ARHGEF28: variants seen among roughly 807,000 people sequenced by gnomAD.
The protein encoded by ARHGEF28 is Rho guanine nucleotide exchange factor 28.
In ARHGEF28, 152 loss-of-function variants were observed where a neutral mutation model predicts 206.6. That is an observed-to-expected ratio of 0.74 (90% CI 0.64 to 0.84). The LOEUF (loss-of-function observed/expected upper bound fraction) is 0.84. Among genes scored for constraint, ARHGEF28 ranks in the 40% least tolerant of loss-of-function variants. ARHGEF28 has a pLI of 0.00. For missense variants in ARHGEF28, 2,028 were observed against 2,073.2 expected, an observed-to-expected ratio of 0.98 and a Z score of 0.42; for synonymous variants, 763 against 776.4, an observed-to-expected ratio of 0.98 and a Z score of 0.29.
intron 35 of ARHGEF28, among the ~76,000 whole-genome samples, chr5:73,939,466 G>T (rs1376927092): frequency 6.6e-6 from 1 of 152,144 alleles, no homozygotes; most frequent in Non-Finnish European, 1.5e-5. Context: ...TGTGGTTGCA[G>T]CCTCACCCCC....
chr5:73,857,329 G>A (rs1473971024), intron 14 of ARHGEF28, among the ~76,000 whole-genome samples: 1 of 151,964 alleles, frequency 6.6e-6, no homozygotes, highest in South Asian at 2.1e-4. Context: ...TAAGTCTAAG[G>A]TTTATTTCCT....
At chr5:73,671,181 C>A (rs1174928182) in intron 1 of ARHGEF28, among the ~76,000 whole-genome samples, 1 of 152,148 alleles carries the variant, frequency 6.6e-6, no homozygotes, top group Non-Finnish European at 1.5e-5. Flanking sequence ...TCCAGCAATC[C>A]CACATAAGAC....
chr5:73,904,701 C>T (rs1235258707), intron 33 of ARHGEF28: 3 of 346,634 alleles, frequency 8.7e-6, no homozygotes, highest in Non-Finnish European at 1.6e-5. Context: ...GTGAGTGTAG[C>T]ATGACTTCAC....
rs761364541 is a variant in ARHGEF28 at position 73,909,863 on chromosome 5, GC to G, written c.4615del (p.Leu1539CysfsTer12). The part of the protein sequence containing the change: ...LGHWKHGRQR[S>X]LPAVLLPGGP... ...CACTGGAAGCACGGCCGGCAGAGGA[GC>G]CTGCCCGCGGTGCTCCTTCCGGGTG... On this transcript the variant is annotated frameshift_variant, in exon 34 of 36. Transcript: ENST00000513042. LOFTEE classifies it high-confidence loss of function. The G allele has an allele frequency of 2.6e-6, 4 of 1,531,696 alleles. No individual in the cohort carries two copies. In the African/African-American group the frequency reaches 5.5e-5, roughly 21 times the overall value. 94.9% of individuals were successfully genotyped at this position (1,531,696 alleles called of 1,614,324 possible).
chr5:73,718,729 G>T (rs1302057434), intron 2 of ARHGEF28, among the ~76,000 whole-genome samples: 2 of 152,132 alleles, frequency 1.3e-5, no homozygotes, highest in Non-Finnish European at 2.9e-5. Flanking sequence ...GATGTCACTC[G>T]TGTAATCACT....
intron 33 of ARHGEF28, among the ~76,000 whole-genome samples, chr5:73,906,270 GCT>G (rs1198012233): frequency 6.6e-6 from 1 of 151,958 alleles, no homozygotes; most frequent in Non-Finnish European, 1.5e-5. Context: ...ACAGGGTCTG[GCT>G]CTGTTACCCA....
intron 33 of ARHGEF28, among the ~76,000 whole-genome samples, chr5:73,907,289 T>C (rs998048628): frequency 2.6e-5 from 4 of 152,248 alleles, no homozygotes; most frequent in Non-Finnish European, 5.9e-5. Context: ...CACAAGGTCA[T>C]GTGTCTTCTT....
intron 33 of ARHGEF28, chr5:73,908,820 T>TA (rs1220406461): frequency 3.3e-5 from 5 of 152,240 alleles, no homozygotes; most frequent in African/African-American, 1.2e-4. Context: ...TTTAGCCACT[T>TA]ACATATCTCC....
At chr5:73,843,662 G>T (rs1283763037) in intron 11 of ARHGEF28, among the ~76,000 whole-genome samples, 2 of 152,200 alleles carry the variant, frequency 1.3e-5, no homozygotes, top group East Asian at 3.9e-4. Flanking sequence ...GTTTTCTAGG[G>T]TTTAAAAGAA....
At chr5:73,679,566 C>CAAA (rs552307895) in intron 1 of ARHGEF28, among the ~76,000 whole-genome samples, 2 of 62,444 alleles carry the variant, frequency 3.2e-5, no homozygotes, top group African/African-American at 1.2e-4. Flanking sequence ...GACTCTGTCT[C>CAAA]AAAAAAAAAA....
intron 2 of ARHGEF28, among the ~76,000 whole-genome samples, chr5:73,721,236 G>A (rs1423927361): frequency 6.6e-6 from 1 of 152,186 alleles, no homozygotes; most frequent in South Asian, 2.1e-4. Flanking sequence ...GCATTGTCCT[G>A]CCATGGTGTC....
intron 9 of ARHGEF28, among the ~76,000 whole-genome samples, chr5:73,814,644 G>T (rs1304776513): frequency 1.3e-5 from 2 of 152,052 alleles, no homozygotes; most frequent in Non-Finnish European, 2.9e-5. Flanking sequence ...TTTCTAAGCG[G>T]GTTGCCTCTG....
chr5:73,656,516 A>C (rs1424433819), intron 1 of ARHGEF28, among the ~76,000 whole-genome samples: 1 of 152,110 alleles, frequency 6.6e-6, no homozygotes, highest in East Asian at 1.9e-4. Flanking sequence ...CTCTCCCTTC[A>C]GAATATAGCC....
intron 10 of ARHGEF28, among the ~76,000 whole-genome samples, chr5:73,838,632 G>A (rs772386616): frequency 2.6e-5 from 4 of 152,134 alleles, no homozygotes; most frequent in Non-Finnish European, 5.9e-5. Context: ...CATTCCCTGA[G>A]TGGGTGGTTA....
intron 1 of ARHGEF28, among the ~76,000 whole-genome samples, chr5:73,645,217 A>G (rs933910950): frequency 2.6e-5 from 4 of 152,038 alleles, no homozygotes; most frequent in Admixed American, 1.3e-4. Flanking sequence ...TGGTCTTACT[A>G]TTTGCCTAGG....
At chr5:73,903,388 A>G (rs190910826) in intron 31 of ARHGEF28, 1 of 152,296 alleles carries the variant, frequency 6.6e-6, no homozygotes. Context: ...TGCTATGTCA[A>G]GCATCATTCT....
At chr5:73,847,110 G>A (rs1449790563) in intron 12 of ARHGEF28, among the ~76,000 whole-genome samples, 3 of 152,164 alleles carry the variant, frequency 2.0e-5, no homozygotes, top group African/African-American at 7.2e-5. Context: ...CGTTTGAACA[G>A]ATTTTTTTTC....
At chr5:73,881,177 G>A (rs1760912362) in intron 22 of ARHGEF28, among the ~76,000 whole-genome samples, 1 of 151,982 alleles carries the variant, frequency 6.6e-6, no homozygotes, top group South Asian at 2.1e-4. Flanking sequence ...CTGATCTATG[G>A]ATCTATCTTT....
intron 1 of ARHGEF28, among the ~76,000 whole-genome samples, chr5:73,668,589 C>T (rs566227640): frequency 6.6e-6 from 1 of 152,308 alleles, no homozygotes; most frequent in South Asian, 2.1e-4. Flanking sequence ...GTTTCCAACC[C>T]ATGCTTTTTG....
Sources: allele counts gnomAD v4.1 joint callset (sites outside exome capture counted in the v4.1 genomes callset), GRCh38; gene constraint gnomAD v4.1.1; transcripts MANE v1.5; gene names NCBI Gene and HGNC (gene_info 2026-07-23, HGNC 2026-07-21).